Variants in DPYD observed in about 807,000 individuals in gnomAD.
DPYD encodes the protein dihydropyrimidine dehydrogenase.
In DPYD, 109 loss-of-function variants were observed where a neutral mutation model predicts 116.2. That is an observed-to-expected ratio of 0.94 (90% CI 0.80 to 1.10). The LOEUF (loss-of-function observed/expected upper bound fraction) is 1.10. DPYD is among the 50% of genes least tolerant of loss of function. DPYD has a pLI of 0.00. For synonymous variants in DPYD, 440 were observed against 432.0 expected (o/e 1.02, Z -0.23); for missense variants, 1,302 against 1,254.5 (o/e 1.04, Z -0.57).
chr1:97,492,724 A>G (rs886625019), intron 13 of DPYD, among the ~76,000 whole-genome samples: 3 of 152,182 alleles, frequency 2.0e-5, no homozygotes, highest in African/African-American at 7.2e-5. Flanking sequence ...TGAAGATAAT[A>G]AACATTTTTA....
chr1:97,864,201 G>C (rs1671258005), intron 2 of DPYD, among the ~76,000 whole-genome samples: 1 of 151,942 alleles, frequency 6.6e-6, no homozygotes, highest in African/African-American at 2.4e-5. Context: ...TGTTAAGGCA[G>C]TGCTAGGCAC....
chr1:97,214,677 A>C (rs1660255929), intron 19 of DPYD, among the ~76,000 whole-genome samples: 1 of 152,198 alleles, frequency 6.6e-6, no homozygotes. Flanking sequence ...AGGGAATAGA[A>C]GATACATTTC....
rs570019016 is a variant in DPYD, at chr1:97,195,434, C to CTA, written c.2443-2188_2443-2187dup. On this transcript the variant is annotated intron_variant, in intron 19 of 22. Transcript: ENST00000370192. ...TATTGTAAGCCTCGTGCCTAGCATG[C>CTA]TACCTGATACCTCATTGTTGCTAGG... is the stretch of plus-strand genomic sequence containing the variant. 9.1e-4 allele frequency among the ~76,000 whole-genome samples: 135 copies of CTA among 148,886 alleles called. 1 individual carries two copies. Among genetic ancestry groups the CTA allele is most frequent in the Middle Eastern group, 3.4e-3 (1 of 292 alleles).
At chr1:97,129,956 C>T (rs1019929671) in intron 20 of DPYD, among the ~76,000 whole-genome samples, 7 of 152,138 alleles carry the variant, frequency 4.6e-5, no homozygotes, top group African/African-American at 1.7e-4. Context: ...CTGGTCCATA[C>T]CCTGACATTT....
intron 10 of DPYD, among the ~76,000 whole-genome samples, chr1:97,589,260 A>G (rs1035350752): frequency 1.3e-5 from 2 of 152,206 alleles, no homozygotes; most frequent in African/African-American, 2.4e-5. Context: ...CATGGTCTCA[A>G]ACAATTCCAT....
rs574456115 is a variant in DPYD, at chr1:97,198,061, A to T, written c.2443-4813T>A. Among the ~76,000 whole-genome samples the T allele has an allele frequency of 3.3e-5, 5 of 152,294 alleles. 1 individual carries two copies. Among genetic ancestry groups the T allele is most frequent in the Admixed American group, 2.6e-4 (4 of 15,296 alleles). ...ATTTTTGATAGTAGGAACTTTGCACATTGATATTTTCTTTTAAAATTTTGT... is the reference window on the plus strand; with the variant it reads ...ATTTTTGATAGTAGGAACTTTGCACTTTGATATTTTCTTTTAAAATTTTGT... On this transcript the variant is annotated intron_variant, in intron 19 of 22. Coordinates refer to ENST00000370192, the MANE Select transcript of DPYD (RefSeq NM_000110.4).
At chr1:97,662,923 C>T (rs555387379) in intron 8 of DPYD, among the ~76,000 whole-genome samples, 4 of 152,158 alleles carry the variant, frequency 2.6e-5, no homozygotes, top group African/African-American at 7.2e-5. Flanking sequence ...AATTTTTTCT[C>T]GTTCTGCATA....
At chr1:97,328,026 G>A (rs1668794467) in intron 16 of DPYD, among the ~76,000 whole-genome samples, 1 of 152,064 alleles carries the variant, frequency 6.6e-6, no homozygotes, top group Non-Finnish European at 1.5e-5. Flanking sequence ...TAACACAAGG[G>A]CAACTGATGA....
At chr1:97,270,940 G>C (rs961360941) in intron 18 of DPYD, among the ~76,000 whole-genome samples, 3 of 152,136 alleles carry the variant, frequency 2.0e-5, no homozygotes, top group African/African-American at 7.2e-5. Flanking sequence ...ATGACCAAGA[G>C]GACATTTCTG....
At chr1:97,222,541 T>A (rs1291878119) in intron 19 of DPYD, among the ~76,000 whole-genome samples, 4 of 152,094 alleles carry the variant, frequency 2.6e-5, no homozygotes, top group African/African-American at 7.2e-5. Context: ...ATAAACAACA[T>A]TTGTTGCACT....
At chr1:97,899,344 G>A (rs1313332068) in intron 1 of DPYD, among the ~76,000 whole-genome samples, 1 of 151,832 alleles carries the variant, frequency 6.6e-6, no homozygotes, top group African/African-American at 2.4e-5. Context: ...ATCATTTGCT[G>A]GAAGAATTAA....
intron 1 of DPYD, among the ~76,000 whole-genome samples, chr1:97,907,397 A>T (rs970534861): frequency 1.3e-5 from 2 of 152,102 alleles, no homozygotes; most frequent in African/African-American, 4.8e-5. Context: ...TTACATTTGC[A>T]TTTGTTCTTA....
At chr1:97,438,176 T>G (rs1675571992) in intron 14 of DPYD, among the ~76,000 whole-genome samples, 1 of 152,034 alleles carries the variant, frequency 6.6e-6, no homozygotes, top group Non-Finnish European at 1.5e-5. Context: ...ACTTCCAACT[T>G]TGTTCTTTAT....
intron 14 of DPYD, among the ~76,000 whole-genome samples, chr1:97,414,164 T>G (rs888422322): frequency 4.6e-5 from 7 of 152,068 alleles, no homozygotes; most frequent in Non-Finnish European, 8.8e-5. Flanking sequence ...ATATTAAAAA[T>G]TCTACAACTT....
At chr1:97,393,774 C>T (rs1463474456) in intron 14 of DPYD, among the ~76,000 whole-genome samples, 2 of 152,058 alleles carry the variant, frequency 1.3e-5, no homozygotes, top group Non-Finnish European at 2.9e-5. Flanking sequence ...GTCTTTATAG[C>T]AGCATGATTT....
intron 3 of DPYD, among the ~76,000 whole-genome samples, chr1:97,819,404 C>G (rs1668803677): frequency 6.6e-6 from 1 of 151,654 alleles, no homozygotes. Context: ...TAAAATATAC[C>G]CTTATACATG....
chr1:97,723,958 C>T (rs1390742685), intron 4 of DPYD, among the ~76,000 whole-genome samples: 1 of 151,470 alleles, frequency 6.6e-6, no homozygotes, highest in Non-Finnish European at 1.5e-5. Flanking sequence ...ACTTCTAGAA[C>T]ATACAAGAAG....
At chr1:97,244,953 G>A (rs1443946173) in intron 18 of DPYD, among the ~76,000 whole-genome samples, 1 of 151,992 alleles carries the variant, frequency 6.6e-6, no homozygotes, top group Non-Finnish European at 1.5e-5. Context: ...GTGTGTCTTG[G>A]TTGCGAGTGG....
chr1:97,098,010 C>T (rs995421741), intron 21 of DPYD, among the ~76,000 whole-genome samples: 6 of 152,016 alleles, frequency 3.9e-5, no homozygotes, highest in African/African-American at 1.4e-4. Flanking sequence ...TTTGTTATTA[C>T]CAGAAAATAA....
Sources: gnomAD v4.1 joint callset for allele counts (sites outside exome capture counted in the v4.1 genomes callset) on GRCh38, gnomAD v4.1.1 for gene constraint, MANE v1.5 for transcripts, NCBI Gene and HGNC (gene_info 2026-07-23, HGNC 2026-07-21) for gene names.